CNTNAP5: variants seen among roughly 807,000 people sequenced by gnomAD.
CNTNAP5 encodes the protein contactin-associated protein-like 5.
In CNTNAP5, 72 loss-of-function variants were observed where a neutral mutation model predicts 150.2. The ratio of observed to expected loss-of-function variants is 0.48; its 90% CI spans 0.40 to 0.58. The LOEUF (loss-of-function observed/expected upper bound fraction) is 0.58. Among genes scored for constraint, CNTNAP5 ranks in the 20% least tolerant of loss-of-function variants. The pLI, the probability that CNTNAP5 is intolerant of heterozygous loss-of-function variation, is 0.00. For synonymous variants in CNTNAP5, 672 were observed against 619.8 expected (o/e 1.08, Z -1.25); for missense variants, 1,636 against 1,626.2 (o/e 1.01, Z -0.10).
chr2:124,248,975 C>A (rs1687099021), intron 3 of CNTNAP5, among the ~76,000 whole-genome samples: 1 of 152,150 alleles, frequency 6.6e-6, no homozygotes, highest in African/African-American at 2.4e-5. Context: ...TGATTCCCAG[C>A]AATCTCAACT....
rs138426405 is a variant in CNTNAP5 at position 124,262,073 on chromosome 2, C to T, written c.381+19680C>T. Among the ~76,000 whole-genome samples, 70 of 151,964 alleles carry T rather than the reference C, an allele frequency of 4.6e-4. No individual in the cohort carries two copies. In the East Asian group the frequency reaches 0.011, roughly 25 times the overall value. On this transcript the variant is annotated intron_variant, in intron 3 of 23. Coordinates refer to ENST00000682447, the MANE Select transcript of CNTNAP5 (RefSeq NM_001367498.1). ...TATGGGCAACATAGTGAGATCTTGT[C>T]TCTACGTTTCTTTTTTTTTTAATTA...
At chr2:124,820,573 T>G (rs1682466154) in intron 19 of CNTNAP5, among the ~76,000 whole-genome samples, 2 of 152,092 alleles carry the variant, frequency 1.3e-5, no homozygotes, top group South Asian at 4.2e-4. Flanking sequence ...AAGCAAACAT[T>G]AAATAGGTAC....
At chr2:124,191,688 G>A (rs1329776827) in intron 1 of CNTNAP5, among the ~76,000 whole-genome samples, 20 of 152,098 alleles carry the variant, frequency 1.3e-4, no homozygotes, top group Admixed American at 1.3e-3. Context: ...GGCCCAGGCA[G>A]GTGGATCACC....
At chr2:124,721,888 G>A (rs147574961) in intron 13 of CNTNAP5, among the ~76,000 whole-genome samples, 9 of 152,222 alleles carry the variant, frequency 5.9e-5, no homozygotes, top group Admixed American at 3.9e-4. Context: ...GGTGCTGGCA[G>A]AAATGTTTTT....
intron 5 of CNTNAP5, among the ~76,000 whole-genome samples, chr2:124,445,764 G>T (rs1413079621): frequency 6.6e-6 from 1 of 152,162 alleles, no homozygotes; most frequent in Non-Finnish European, 1.5e-5. Flanking sequence ...CAGACATTTA[G>T]CTTTCAGTTA....
chr2:124,819,327 T>C (rs748777771), intron 19 of CNTNAP5, among the ~76,000 whole-genome samples: 3 of 152,148 alleles, frequency 2.0e-5, no homozygotes, highest in Non-Finnish European at 4.4e-5. Context: ...GTTTAGCTTT[T>C]ACATTAGTCA....
intron 8 of CNTNAP5, among the ~76,000 whole-genome samples, chr2:124,505,742 C>T (rs1435828880): frequency 6.6e-6 from 1 of 152,020 alleles, no homozygotes; most frequent in Non-Finnish European, 1.5e-5. Flanking sequence ...GTCCTTCAAG[C>T]AGCGGTGTAT....
intron 19 of CNTNAP5, among the ~76,000 whole-genome samples, chr2:124,860,472 C>CTTCT (rs1677496223): frequency 4.6e-5 from 4 of 86,430 alleles, no homozygotes; most frequent in South Asian, 4.1e-4. Flanking sequence ...TCCTTCCTTC[C>CTTCT]TTCCTTCCTT....
chr2:124,342,734 A>G (rs968523054), intron 3 of CNTNAP5, among the ~76,000 whole-genome samples: 2 of 152,234 alleles, frequency 1.3e-5, no homozygotes, highest in Non-Finnish European at 2.9e-5. Flanking sequence ...AGTACACATT[A>G]TGAAATTGAA....
chr2:124,862,957 C>T (rs557152866), intron 19 of CNTNAP5, among the ~76,000 whole-genome samples: 40 of 152,070 alleles, frequency 2.6e-4, no homozygotes, highest in Admixed American at 9.8e-4. Flanking sequence ...TTTTGTATCA[C>T]GAACTTGGAT....
intron 10 of CNTNAP5, among the ~76,000 whole-genome samples, chr2:124,554,228 A>G (rs1695699498): frequency 1.3e-5 from 2 of 152,146 alleles, no homozygotes. Context: ...CAAATACTTT[A>G]AACTACATAT....
intron 18 of CNTNAP5, among the ~76,000 whole-genome samples, chr2:124,793,080 C>G (rs1681770908): frequency 6.6e-6 from 1 of 152,136 alleles, no homozygotes; most frequent in Non-Finnish European, 1.5e-5. Flanking sequence ...CAAACGGTAA[C>G]TATAGGTTTA....
chr2:124,703,889 T>C (rs1220183922), intron 13 of CNTNAP5, among the ~76,000 whole-genome samples: 13 of 152,186 alleles, frequency 8.5e-5, no homozygotes, highest in Admixed American at 8.5e-4. Context: ...ACTCTTATCA[T>C]TGAGCACAGG....
chr2:124,226,029 G>C (rs1686449172), intron 2 of CNTNAP5, among the ~76,000 whole-genome samples: 1 of 152,062 alleles, frequency 6.6e-6, no homozygotes, highest in African/African-American at 2.4e-5. Context: ...GAAACACTTA[G>C]GTCGCTTCCG....
intron 19 of CNTNAP5, among the ~76,000 whole-genome samples, chr2:124,853,849 C>T (rs576488701): frequency 4.0e-4 from 61 of 152,178 alleles, no homozygotes; most frequent in African/African-American, 1.3e-3. Context: ...TTTTGTTCCC[C>T]TCTTTGTGTC....
intron 12 of CNTNAP5, among the ~76,000 whole-genome samples, chr2:124,640,411 C>T (rs953649651): frequency 3.3e-5 from 5 of 152,176 alleles, no homozygotes; most frequent in Non-Finnish European, 7.3e-5. Context: ...CGCCACGCTG[C>T]GGTGTCTGCA....
intron 7 of CNTNAP5, among the ~76,000 whole-genome samples, chr2:124,491,634 G>C (rs888170329): frequency 6.6e-6 from 1 of 152,116 alleles, no homozygotes; most frequent in East Asian, 1.9e-4. Context: ...TAATATGGCA[G>C]ATCTACCTTT....
chr2:124,902,462 A>G (rs1446998706), intron 21 of CNTNAP5, among the ~76,000 whole-genome samples: 3 of 152,116 alleles, frequency 2.0e-5, no homozygotes, highest in African/African-American at 4.8e-5. Context: ...TACATTTTTG[A>G]GTGAAGTGTT....
chr2:124,768,121 T>C (rs1455347355), intron 16 of CNTNAP5, among the ~76,000 whole-genome samples: 1 of 152,138 alleles, frequency 6.6e-6, no homozygotes, highest in East Asian at 1.9e-4. Context: ...TCAGTATTAT[T>C]AGAAAGAAGG....
Sources: allele counts gnomAD v4.1 joint callset (sites outside exome capture counted in the v4.1 genomes callset), GRCh38; gene constraint gnomAD v4.1.1; transcripts MANE v1.5; gene names NCBI Gene and HGNC (gene_info 2026-07-23, HGNC 2026-07-21).